The following SCN9A variants were observed in gnomAD, a reference collection of about 807,000 sequenced individuals.
SCN9A encodes the protein sodium channel protein type 9 subunit alpha.
SCN9A carries 131 observed loss-of-function variants against 187.0 expected under a neutral mutation model. The ratio of observed to expected loss-of-function variants is 0.70; its 90% CI spans 0.61 to 0.81. The LOEUF is 0.81. Ranked by LOEUF, SCN9A falls within the 30% of genes least tolerant of loss-of-function variation. SCN9A has a pLI of 0.00. For synonymous variants in SCN9A, 809 were observed against 808.6 expected (o/e 1.00, Z -0.01); for missense variants, 2,252 against 2,396.6 (o/e 0.94, Z 1.26).
At chr2:166,219,107 A>G (rs968570091) in intron 24 of SCN9A, among the ~76,000 whole-genome samples, 1 of 152,222 alleles carries the variant, frequency 6.6e-6, no homozygotes, top group African/African-American at 2.4e-5. Flanking sequence ...GAATGCCTAC[A>G]CACTGTTGAT....
At chr2:166,322,814 G>C (rs1295859907) in intron 1 of SCN9A, among the ~76,000 whole-genome samples, 1 of 152,152 alleles carries the variant, frequency 6.6e-6, no homozygotes, top group East Asian at 1.9e-4. Flanking sequence ...GAGCTAGAAA[G>C]CCTGGGTTTT....
chr2:166,331,405 C>T (rs1699499546), intron 1 of SCN9A, among the ~76,000 whole-genome samples: 1 of 152,168 alleles, frequency 6.6e-6, no homozygotes, highest in Admixed American at 6.5e-5. Flanking sequence ...CATCAAGTTT[C>T]TTTCACATAT....
chr2:166,369,911 C>T (rs1483996134), intron 1 of SCN9A, among the ~76,000 whole-genome samples: 2 of 152,050 alleles, frequency 1.3e-5, no homozygotes, highest in Non-Finnish European at 2.9e-5. Flanking sequence ...ATCAAGCAAT[C>T]CTCCAGCCTC....
chr2:166,282,962 G>C (rs139134334), intron 12 of SCN9A, among the ~76,000 whole-genome samples: 1 of 152,238 alleles, frequency 6.6e-6, no homozygotes, highest in East Asian at 1.9e-4. Flanking sequence ...TAGTTATGCA[G>C]TGTTTTCATA....
chr2:166,344,650 C>T (rs1255526148), intron 1 of SCN9A, among the ~76,000 whole-genome samples: 2 of 152,092 alleles, frequency 1.3e-5, no homozygotes, highest in African/African-American at 4.8e-5. Flanking sequence ...GATTTTTCTC[C>T]CCACAACAAA....
chr2:166,330,657 G>A (rs534113220), intron 1 of SCN9A, among the ~76,000 whole-genome samples: 2 of 152,252 alleles, frequency 1.3e-5, no homozygotes, highest in African/African-American at 4.8e-5. Context: ...GAAGGAGGTA[G>A]GTTTTGGGAC....
chr2:166,306,732 T>C (rs1392040788), intron 3 of SCN9A, 133 bp from the exon 4 acceptor site: 2 of 725,718 alleles, frequency 2.8e-6, no homozygotes, highest in Admixed American at 4.7e-5. Flanking sequence ...TTTGTCTCTT[T>C]GAACAAGAGA....
chr2:166,339,277 G>T (rs115193623), intron 1 of SCN9A, among the ~76,000 whole-genome samples: 2,279 of 152,196 alleles, frequency 0.015, 23 homozygotes, highest in African/African-American at 0.024. Context: ...AGGTAAGTTG[G>T]TCTTAACTTT....
intron 1 of SCN9A, among the ~76,000 whole-genome samples, chr2:166,326,072 T>C (rs988219591): frequency 6.6e-6 from 1 of 151,894 alleles, no homozygotes; most frequent in Non-Finnish European, 1.5e-5. Context: ...AACAGAAAAA[T>C]TTCCAGATGG....
At chr2:166,204,264 CTT>C in intron 25 of SCN9A, 39 bp from the exon 26 acceptor site, 1 of 1,585,518 alleles carries the variant, frequency 6.3e-7, no homozygotes, top group South Asian at 1.2e-5. Context: ...GCAGAGTAAA[CTT>C]TTCAAGTATT....
At chr2:166,241,938 T>G (rs1184214432) in intron 19 of SCN9A, among the ~76,000 whole-genome samples, 1 of 152,080 alleles carries the variant, frequency 6.6e-6, no homozygotes, top group Non-Finnish European at 1.5e-5. Context: ...TACAAAACAT[T>G]ACTCCAAGAA....
chr2:166,369,844 AT>A (rs1438788131), intron 1 of SCN9A, among the ~76,000 whole-genome samples: 4 of 152,084 alleles, frequency 2.6e-5, no homozygotes, highest in Non-Finnish European at 5.9e-5. Context: ...ATAAATTTTA[AT>A]TTTTTTGTAG....
At position 166,199,692 on chromosome 2, in the gene SCN9A, G is replaced by C. The variant is rs1206447396; in HGVS notation, c.4947C>G (p.Leu1649=). 6.2e-7 allele frequency: 1 copy of C among 1,614,118 alleles called. No homozygotes were observed. Among genetic ancestry groups the C allele is most frequent in the Non-Finnish European group, 8.5e-7 (1 of 1,180,024 alleles). The change falls in exon 27 of 27, where the codon CTC becomes CTG. Residue 1649 remains leucine (L), a synonymous_variant. Transcript: ENST00000642356. Reference sequence around the variant, plus strand: ...AGATGAACATGACCAGGAAGAGCAGGAGGCCGATGTTAAACAACGCAGGAA... The same window carrying C: ...AGATGAACATGACCAGGAAGAGCAGCAGGCCGATGTTAAACAACGCAGGAA... ...MSLPALFNIG[L]LLFLVMFIYA...
At chr2:166,331,241 A>T (rs1699495784) in intron 1 of SCN9A, among the ~76,000 whole-genome samples, 1 of 152,070 alleles carries the variant, frequency 6.6e-6, no homozygotes, top group Admixed American at 6.6e-5. Context: ...TGTAATGGAG[A>T]AGATAGAAAA....
At chr2:166,324,702 C>T (rs1424682176) in intron 1 of SCN9A, among the ~76,000 whole-genome samples, 1 of 152,114 alleles carries the variant, frequency 6.6e-6, no homozygotes. Flanking sequence ...CTTCCCAAAA[C>T]TTATAGCCTT....
chr2:166,219,424 A>G (rs1296830567), intron 24 of SCN9A, among the ~76,000 whole-genome samples: 2 of 152,212 alleles, frequency 1.3e-5, no homozygotes, highest in Non-Finnish European at 2.9e-5. Flanking sequence ...TTGCAGGGAC[A>G]TGAATGGAGC....
At chr2:166,277,405 T>C (rs1212478741) in intron 15 of SCN9A, 66 bp from the exon 16 acceptor site, 6 of 1,121,918 alleles carry the variant, frequency 5.3e-6, no homozygotes, top group Admixed American at 2.3e-5. Context: ...CCAATCTTGA[T>C]TTTTGTTCAA....
chr2:166,318,180 A>G (rs1318265599), intron 1 of SCN9A, among the ~76,000 whole-genome samples: 1 of 152,156 alleles, frequency 6.6e-6, no homozygotes, highest in Non-Finnish European at 1.5e-5. Flanking sequence ...TGTCCATTTT[A>G]GCTAGAACCA....
intron 24 of SCN9A, among the ~76,000 whole-genome samples, chr2:166,215,872 G>A (rs1417396684): frequency 6.6e-6 from 1 of 151,156 alleles, no homozygotes; most frequent in Non-Finnish European, 1.5e-5. Context: ...TGAAAAGGAG[G>A]TCAAATTCAT....
Sources: gnomAD v4.1 joint callset for allele counts (sites outside exome capture counted in the v4.1 genomes callset) on GRCh38, gnomAD v4.1.1 for gene constraint, MANE v1.5 for transcripts, NCBI Gene and HGNC (gene_info 2026-07-23, HGNC 2026-07-21) for gene names.